ZNF608: variants seen among roughly 807,000 people sequenced by gnomAD.
ZNF608 encodes zinc finger protein 608.
ZNF608 carries 12 observed loss-of-function variants against 109.0 expected under a neutral mutation model. That is an observed-to-expected ratio of 0.11 (90% confidence interval 0.07 to 0.18). ZNF608 has a LOEUF of 0.18. Among genes scored for constraint, ZNF608 ranks in the 10% least tolerant of loss-of-function variants. The pLI is 1.00. For synonymous variants in ZNF608, 732 were observed against 717.4 expected (o/e 1.02, Z -0.33); for missense variants, 1,707 against 1,879.3 (o/e 0.91, Z 1.70).
Position 124,746,489 on chromosome 5 carries a change from A to T in ZNF608, c.-478T>A, listed in dbSNP as rs1332503299. ...CACCAAAGGTTTTTTTTTCCTCTTAACAAGCATCGAGAATAATAGTTTTTT... is the reference window on the plus strand; with the variant it reads ...CACCAAAGGTTTTTTTTTCCTCTTATCAAGCATCGAGAATAATAGTTTTTT... On this transcript the variant is annotated 5_prime_UTR_variant, in exon 1 of 10. Coordinates refer to ENST00000513986, the MANE Select transcript of ZNF608 (RefSeq NM_020747.3). 1 of 985,234 alleles carries T rather than the reference A, an allele frequency of 1.0e-6. No homozygotes were observed. The highest frequency in any genetic ancestry group is 1.2e-6 in the Non-Finnish European group (1 of 829,910). 61.0% of individuals were successfully genotyped at this position (985,234 alleles called of 1,614,324 possible). A position where few individuals can be genotyped will look rare whatever the true frequency, so the allele number is the denominator to read the frequency against.
At chr5:124,707,541 T>C (rs1753310881) in intron 2 of ZNF608, among the ~76,000 whole-genome samples, 1 of 152,236 alleles carries the variant, frequency 6.6e-6, no homozygotes, top group Non-Finnish European at 1.5e-5. Flanking sequence ...TCTATGAGAA[T>C]GCTGGGGCAC....
At chr5:124,676,496 C>A (rs1433898104) in intron 3 of ZNF608, among the ~76,000 whole-genome samples, 1 of 152,082 alleles carries the variant, frequency 6.6e-6, no homozygotes, top group Non-Finnish European at 1.5e-5. Context: ...ATGGAACTTT[C>A]TTTGAAGTGT....
At chr5:124,644,218 A>G (rs201968292) in intron 6 of ZNF608, 26 bp downstream of exon 6, 21 of 1,562,042 alleles carry the variant, frequency 1.3e-5, no homozygotes, top group African/African-American at 5.4e-5. Flanking sequence ...CTTTCCTCCA[A>G]TATAGTCAGA....
At chr5:124,722,478 T>G (rs563686016) in intron 2 of ZNF608, among the ~76,000 whole-genome samples, 9 of 152,032 alleles carry the variant, frequency 5.9e-5, no homozygotes, top group Non-Finnish European at 1.3e-4. Flanking sequence ...TTGCCTCCCA[T>G]TTGACCAAGT....
intron 2 of ZNF608, among the ~76,000 whole-genome samples, chr5:124,740,928 T>G (rs1749367564): frequency 6.6e-6 from 1 of 152,196 alleles, no homozygotes; most frequent in Admixed American, 6.5e-5. Flanking sequence ...AATGCCTCCC[T>G]ATCTGATAAG....
intron 2 of ZNF608, among the ~76,000 whole-genome samples, chr5:124,720,005 AAACAAC>A (rs907992062): frequency 6.6e-6 from 1 of 152,200 alleles, no homozygotes. Flanking sequence ...AAGTCTGTCA[AAACAAC>A]AACAACAACA....
At chr5:124,728,944 T>C (rs1426317654) in intron 2 of ZNF608, among the ~76,000 whole-genome samples, 1 of 152,156 alleles carries the variant, frequency 6.6e-6, no homozygotes, top group Non-Finnish European at 1.5e-5. Context: ...TAAAATTCAC[T>C]ATAGAACCCT....
At chr5:124,638,515 C>T (rs1007777021) in intron 9 of ZNF608, among the ~76,000 whole-genome samples, 3 of 152,182 alleles carry the variant, frequency 2.0e-5, no homozygotes, top group African/African-American at 7.2e-5. Flanking sequence ...CATGAGCCTC[C>T]CAAAGTGGTG....
chr5:124,682,193 C>T (rs1444603505), intron 3 of ZNF608, among the ~76,000 whole-genome samples: 2 of 152,182 alleles, frequency 1.3e-5, no homozygotes, highest in East Asian at 1.9e-4. Flanking sequence ...CTACCGCAGC[C>T]TCCCCAGTAG....
At chr5:124,727,733 C>CTTTT (rs1182383879) in intron 2 of ZNF608, among the ~76,000 whole-genome samples, 1 of 77,872 alleles carries the variant, frequency 1.3e-5, no homozygotes, top group Non-Finnish European at 2.3e-5. Context: ...TCCAGGTATC[C>CTTTT]TTTTTTTTTT....
rs370803847 is a variant in ZNF608 at position 124,648,210 on chromosome 5, G to A, written c.2174C>T (p.Thr725Met). ...EKGKKATNCK[T>M]DKNLSKLKSA... ...TTTCAGTTTAGAGAGGTTTTTGTCCGTTTTGCAGTTGGTAGCTTTTTTGCC... is the reference window on the plus strand; with the variant it reads ...TTTCAGTTTAGAGAGGTTTTTGTCCATTTTGCAGTTGGTAGCTTTTTTGCC... The change falls in exon 5 of 10, where the codon ACG (threonine) becomes ATG (methionine). Residue 725 changes from threonine (T) to methionine (M), a missense_variant. Coordinates refer to ENST00000513986, the MANE Select transcript of ZNF608 (RefSeq NM_020747.3). The A allele has an allele frequency of 2.5e-5, 40 of 1,614,152 alleles. No individual in the cohort carries two copies. The highest frequency in any genetic ancestry group is 8.9e-5 in the East Asian group (4 of 44,888).
intron 3 of ZNF608, among the ~76,000 whole-genome samples, chr5:124,667,598 T>C (rs765371193): frequency 1.3e-5 from 2 of 152,184 alleles, no homozygotes; most frequent in African/African-American, 4.8e-5. Flanking sequence ...CAGACACCCC[T>C]GTCTCTGCCT....
intron 2 of ZNF608, among the ~76,000 whole-genome samples, chr5:124,718,808 G>T (rs554867392): frequency 2.0e-5 from 3 of 152,120 alleles, no homozygotes; most frequent in East Asian, 3.8e-4. Context: ...CTGCAAAACC[G>T]CTATTTGGTG....
chr5:124,642,664 T>C (rs1030158650), intron 7 of ZNF608, among the ~76,000 whole-genome samples: 3 of 151,722 alleles, frequency 2.0e-5, no homozygotes, highest in Non-Finnish European at 2.9e-5. Flanking sequence ...GTTACTGCCA[T>C]GTCATTTTGA....
intron 2 of ZNF608, among the ~76,000 whole-genome samples, chr5:124,738,244 T>C (rs941282989): frequency 2.0e-5 from 3 of 152,168 alleles, no homozygotes; most frequent in Non-Finnish European, 4.4e-5. Flanking sequence ...TAGGAGAGTA[T>C]TATGATCATT....
At chr5:124,694,284 C>A (rs867894651) in intron 3 of ZNF608, among the ~76,000 whole-genome samples, 6 of 150,938 alleles carry the variant, frequency 4.0e-5, no homozygotes, top group East Asian at 2.0e-4. Flanking sequence ...TGAGCCACTG[C>A]GCCCGGCCCT....
intron 2 of ZNF608, among the ~76,000 whole-genome samples, chr5:124,716,021 T>C (rs1753680699): frequency 6.6e-6 from 1 of 151,308 alleles, no homozygotes; most frequent in African/African-American, 2.4e-5. Context: ...CGGGCACCTG[T>C]AGTCCCAGCT....
intron 2 of ZNF608, among the ~76,000 whole-genome samples, chr5:124,743,739 G>A (rs1749517669): frequency 6.6e-6 from 1 of 152,114 alleles, no homozygotes; most frequent in African/African-American, 2.4e-5. Flanking sequence ...GCATGAGCAG[G>A]TTTTCTATTA....
At chr5:124,722,318 G>T (rs1217662617) in intron 2 of ZNF608, among the ~76,000 whole-genome samples, 6 of 152,206 alleles carry the variant, frequency 3.9e-5, no homozygotes, top group African/African-American at 1.4e-4. Flanking sequence ...AACCAAAATG[G>T]CTAACTAAGC....
Sources: gnomAD v4.1 joint callset for allele counts (sites outside exome capture counted in the v4.1 genomes callset) on GRCh38, gnomAD v4.1.1 for gene constraint, MANE v1.5 for transcripts, NCBI Gene and HGNC (gene_info 2026-07-23, HGNC 2026-07-21) for gene names.